NEMP2: variants seen among roughly 807,000 people sequenced by gnomAD.
The protein encoded by NEMP2 is UPF0571 transmembrane protein.
In NEMP2, 53 loss-of-function variants were observed where a neutral mutation model predicts 54.2. The observed-to-expected ratio is 0.98, with a 90% confidence interval of 0.78 to 1.23. NEMP2 has a LOEUF of 1.23. Among genes scored for constraint, NEMP2 ranks in the 50% most tolerant of loss-of-function variants. NEMP2 has a pLI of 0.00. For missense variants in NEMP2, 455 were observed against 511.3 expected (o/e 0.89, Z 1.06); for synonymous variants, 197 against 190.3 (o/e 1.04, Z -0.29).
chr2:190,631,290 T>C, the NEMP2 span, among the ~76,000 whole-genome samples: 1 of 152,196 alleles, frequency 6.6e-6, no homozygotes, highest in East Asian at 1.9e-4. Context: ...ACTTTGCTGG[T>C]TGTGTGGAAT....
chr2:190,480,604 A>G, the NEMP2 span, among the ~76,000 whole-genome samples: 1 of 152,240 alleles, frequency 6.6e-6, no homozygotes, highest in South Asian at 2.1e-4. Context: ...AAGTTAGCTG[A>G]GGCAGATTAC....
chr2:190,627,460 AGT>A, the NEMP2 span, among the ~76,000 whole-genome samples: 13 of 152,242 alleles, frequency 8.5e-5, no homozygotes, highest in African/African-American at 3.1e-4. This position sits in a 1 kb window ranked among gnomAD's most constrained non-coding sequence, Gnocchi z 4.4. Flanking sequence ...AATTTCTATA[AGT>A]GTTCAAATGT....
At chr2:190,574,770 C>CG in the NEMP2 span, among the ~76,000 whole-genome samples, 1 of 125,178 alleles carries the variant, frequency 8.0e-6, no homozygotes, top group Non-Finnish European at 1.7e-5. Context: ...TTCCTTCCCT[C>CG]CCTTCCCTCC....
chr2:190,524,859 A>T (rs1214463280), intron 2 of NEMP2, among the ~76,000 whole-genome samples: 1 of 152,236 alleles, frequency 6.6e-6, no homozygotes, highest in African/African-American at 2.4e-5. Flanking sequence ...TGAATGAAGG[A>T]AAGTACTAGG....
At chr2:190,465,019 G>T in the NEMP2 span, 28 of 610,152 alleles carry the variant, frequency 4.6e-5, no homozygotes, top group South Asian at 1.5e-3. The surrounding 1 kb of genome is among the most constrained non-coding windows in gnomAD (Gnocchi z 4.6). Flanking sequence ...ATAATTCATT[G>T]TATCTATATC....
upstream of NEMP2, among the ~76,000 whole-genome samples, chr2:190,539,286 G>C (rs1230275512): frequency 2.0e-5 from 3 of 152,022 alleles, no homozygotes; most frequent in African/African-American, 7.2e-5. This position sits in a 1 kb window ranked among gnomAD's most constrained non-coding sequence, Gnocchi z 4.1. Flanking sequence ...TCTGGGTTCT[G>C]TATTCTGTGC....
At position 190,533,325 on chromosome 2, in the gene NEMP2, AC is replaced by A. The variant is rs1242977070; in HGVS notation, c.97+1233del. On this transcript the variant is annotated intron_variant, in intron 1 of 8. Transcript: ENST00000409150. The surrounding 1 kb of genome is among the most constrained non-coding windows in gnomAD (Gnocchi z 4.3). The stretch of plus-strand genomic sequence containing the variant: ...AGACAGATTTGTGTTTTATTTTTTC[AC>A]CAGCATAAAATTGTTGTATTTCTTA... Among the ~76,000 whole-genome samples the A allele has an allele frequency of 2.0e-5, 3 of 152,124 alleles. No homozygotes were observed. Among genetic ancestry groups the A allele is most frequent in the African/African-American group, 4.8e-5 (2 of 41,412 alleles).
At chr2:190,526,901 G>A (rs1690958800) in intron 1 of NEMP2, among the ~76,000 whole-genome samples, 1 of 152,118 alleles carries the variant, frequency 6.6e-6, no homozygotes, top group South Asian at 2.1e-4. Context: ...ACATAACTGA[G>A]AGAAAGAGAG....
the NEMP2 span, among the ~76,000 whole-genome samples, chr2:190,490,750 G>A: frequency 8.5e-5 from 13 of 152,230 alleles, no homozygotes; most frequent in South Asian, 8.3e-4. This position sits in a 1 kb window ranked among gnomAD's most constrained non-coding sequence, Gnocchi z 4.5. Context: ...AAATATTTTT[G>A]CTCAGTTTTT....
chr2:190,618,702 C>T, the NEMP2 span, among the ~76,000 whole-genome samples: 3 of 152,202 alleles, frequency 2.0e-5, no homozygotes, highest in Non-Finnish European at 4.4e-5. Context: ...GCCTCAGCCC[C>T]TCAAGTAGCT....
rs540387294 is a variant in NEMP2 at position 190,504,927 on chromosome 2, C to G, written c.*4262G>C. On this transcript the variant is annotated 3_prime_UTR_variant, in exon 9 of 9. Transcript: ENST00000409150. This position sits in a 1 kb window ranked among gnomAD's most constrained non-coding sequence, Gnocchi z 5.6. ...GTATGGCAAGTTGACATTGTCATGA[C>G]ATGATCATCGTGCTTATATTCTGTA... The G allele has an allele frequency of 6.6e-6, 1 of 152,184 alleles. No individual in the cohort carries two copies. The highest frequency in any genetic ancestry group is 2.4e-5 in the African/African-American group (1 of 41,454). The allele number at this position is 152,184 out of a possible 1,614,324, so 9.4% of individuals were successfully genotyped here.
downstream of NEMP2, chr2:190,500,347 A>C: frequency 1.1e-6 from 1 of 914,022 alleles, no homozygotes; most frequent in Non-Finnish European, 1.6e-6. The surrounding 1 kb of genome is among the most constrained non-coding windows in gnomAD (Gnocchi z 5.3). Context: ...AAATATCTAA[A>C]CTCATTAACA....
upstream of NEMP2, among the ~76,000 whole-genome samples, chr2:190,539,543 G>A (rs1037802981): frequency 6.6e-6 from 1 of 151,942 alleles, no homozygotes; most frequent in African/African-American, 2.4e-5. This position sits in a 1 kb window ranked among gnomAD's most constrained non-coding sequence, Gnocchi z 4.1. Flanking sequence ...TGGGCAGTAT[G>A]GACATTTTAA....
At chr2:190,435,953 C>A in the NEMP2 span, 1 of 1,499,470 alleles carries the variant, frequency 6.7e-7, no homozygotes, top group Admixed American at 2.3e-5. Context: ...ATTACTAAGC[C>A]ATCTTTTAAA....
At position 190,529,778 on chromosome 2, in the gene NEMP2, G is replaced by A. The variant is rs747449483; in HGVS notation, c.98-4400C>T. On this transcript the variant is annotated intron_variant, in intron 1 of 8. Coordinates refer to ENST00000409150, the MANE Select transcript of NEMP2 (RefSeq NM_001142645.2). The surrounding 1 kb of genome is among the most constrained non-coding windows in gnomAD (Gnocchi z 4.7). ...AGCCTGGCCAGGAATAGTCAGCACC[G>A]TAAAAGAAGGTGCACTCTGGCCCTC... Among the ~76,000 whole-genome samples, 5 of 152,176 alleles carry A rather than the reference G, an allele frequency of 3.3e-5. No homozygotes were observed. Among genetic ancestry groups the A allele is most frequent in the Admixed American group, 6.5e-5 (1 of 15,276 alleles).
chr2:190,596,535 G>A, the NEMP2 span, among the ~76,000 whole-genome samples: 1 of 152,216 alleles, frequency 6.6e-6, no homozygotes. This position sits in a 1 kb window ranked among gnomAD's most constrained non-coding sequence, Gnocchi z 5.1. Context: ...CTGCAGAGCA[G>A]GGGAAAATGA....
chr2:190,581,800 C>T, the NEMP2 span, among the ~76,000 whole-genome samples: 2 of 151,980 alleles, frequency 1.3e-5, no homozygotes, highest in Non-Finnish European at 2.9e-5. Flanking sequence ...TGTCTAGTGC[C>T]GTGCTGGAGC....
chr2:190,499,785 A>G, downstream of NEMP2: 4 of 1,495,462 alleles, frequency 2.7e-6, no homozygotes, highest in Non-Finnish European at 3.6e-6. This position sits in a 1 kb window ranked among gnomAD's most constrained non-coding sequence, Gnocchi z 6.0. Flanking sequence ...TTTTTCCACA[A>G]GACACGTCTG....
chr2:190,526,518 A>G (rs758238066), intron 1 of NEMP2, among the ~76,000 whole-genome samples: 1 of 152,236 alleles, frequency 6.6e-6, no homozygotes, highest in Non-Finnish European at 1.5e-5. Context: ...AAGCAGAAGA[A>G]CCACTAAGGA....
Sources: allele counts gnomAD v4.1 joint callset (sites outside exome capture counted in the v4.1 genomes callset), GRCh38; gene constraint gnomAD v4.1.1; non-coding constraint Gnocchi (gnomAD v3.1); transcripts MANE v1.5; gene names NCBI Gene and HGNC (gene_info 2026-07-23, HGNC 2026-07-21).